DDX23: variants seen among roughly 807,000 people sequenced by gnomAD.
DDX23 encodes the protein DEAD-box helicase 23.
DDX23 carries 33 observed loss-of-function variants against 102.7 expected under a neutral mutation model. That is an observed-to-expected ratio of 0.32 (90% CI 0.24 to 0.43). The LOEUF (loss-of-function observed/expected upper bound fraction) is 0.43, where lower values mean the gene tolerates loss of function less well. Among genes scored for constraint, DDX23 ranks in the 20% least tolerant of loss-of-function variants. The pLI is 1.00. For synonymous variants in DDX23, 352 were observed against 376.0 expected, an observed-to-expected ratio of 0.94 and a Z score of 0.74; for missense variants, 549 against 1,086.6, an observed-to-expected ratio of 0.51 and a Z score of 6.96.
rs1472808237 is a variant in DDX23, at chr12:48,843,971, G to A, written c.289C>T (p.His97Tyr). 1 of 1,614,050 alleles carries A rather than the reference G, an allele frequency of 6.2e-7. No individual in the cohort carries two copies. The highest frequency in any genetic ancestry group is 8.5e-7 in the Non-Finnish European group (1 of 1,180,012). Residue 97 changes from histidine to tyrosine, a missense_variant, in exon 3 of 17, where the codon CAC becomes TAC. By Grantham distance (83) the His-to-Tyr change is moderately conservative (BLOSUM62 2). Coordinates refer to ENST00000308025, the MANE Select transcript of DDX23 (RefSeq NM_004818.3). ...KKDRDRDKDG[H>Y]RRDKDRKRSS... ...CGTTTACGGTCCTTGTCCCGTCTGT[G>A]CCCATCCTTGTCTCGATCTCGGTCC...
At chr12:48,849,566 G>A (rs1938725046) in intron 1 of DDX23, among the ~76,000 whole-genome samples, 1 of 152,044 alleles carries the variant, frequency 6.6e-6, no homozygotes, top group Non-Finnish European at 1.5e-5. Context: ...GAAGGCTGAG[G>A]CAGAACTGCT....
At position 48,837,944 on chromosome 12, in the gene DDX23, A is replaced by G; in HGVS notation, c.617T>C (p.Leu206Ser). ...KQFQDLGRKM[L>S]EDPQERERRE... ...CTACACAGGGTAGAATAACAAACCCAACATCTTCCTGCCCAAGTCTTGGAA... is the reference window on the plus strand; with the variant it reads ...CTACACAGGGTAGAATAACAAACCCGACATCTTCCTGCCCAAGTCTTGGAA... The change falls in exon 6 of 17, where the codon TTG becomes TCG. Residue 206 changes from leucine (L) to serine (S), a missense_variant and splice_region_variant. Physicochemically the swap from Leu to Ser is moderately radical, Grantham distance 145. Coordinates refer to ENST00000308025, the MANE Select transcript of DDX23 (RefSeq NM_004818.3). The G allele has an allele frequency of 6.2e-7, 1 of 1,612,704 alleles. No homozygotes were observed. The highest frequency in any genetic ancestry group is 8.5e-7 in the Non-Finnish European group (1 of 1,180,034).
intron 3 of DDX23, among the ~76,000 whole-genome samples, chr12:48,841,252 G>A (rs1188629455): frequency 1.3e-5 from 2 of 152,170 alleles, no homozygotes; most frequent in Non-Finnish European, 2.9e-5. Context: ...CAGGCATGGT[G>A]GCGCATGCCT....
intron 1 of DDX23, 115 bp from the exon 2 acceptor site, chr12:48,845,897 C>T (rs902668732): frequency 1.5e-5 from 17 of 1,152,910 alleles, no homozygotes; most frequent in South Asian, 1.0e-4. Context: ...GTATGTCTAC[C>T]GTACAGATGA....
intron 7 of DDX23, 23 bp from the exon 8 acceptor site, chr12:48,837,416 G>A (rs373444963): frequency 6.2e-7 from 1 of 1,613,276 alleles, no homozygotes; most frequent in African/African-American, 1.3e-5. Context: ...AGAACACAAA[G>A]CACATGAGCT....
In DDX23 at chr12:48,832,395, T is replaced by C; in HGVS notation, c.1955+27A>G. The C allele has an allele frequency of 6.2e-7, 1 of 1,606,108 alleles. No individual in the cohort carries two copies. The highest frequency in any genetic ancestry group is 8.5e-7 in the Non-Finnish European group (1 of 1,173,444). ...CAGAGCCATTTTATTCTCCACCCTG[T>C]TTCCCCTGGCTCAGCTGCCCTCATA... On this transcript the variant is annotated intron_variant, in intron 14 of 16. Coordinates refer to ENST00000308025, the MANE Select transcript of DDX23 (RefSeq NM_004818.3). This position sits in a 1 kb window ranked among gnomAD's most constrained non-coding sequence, Gnocchi z 4.4.
chr12:48,836,371 A>G lies in DDX23; in HGVS notation c.1237-105T>C. On this transcript the variant is annotated intron_variant, in intron 10 of 16. Transcript: ENST00000308025. The surrounding 1 kb of genome is among the most constrained non-coding windows in gnomAD (Gnocchi z 6.1). ...CTGCTAGCACAATGGAAGGATGCCA[A>G]GTACAGTTCACAGAAATAGGGACCC... 1 of 1,406,104 alleles carries G rather than the reference A, an allele frequency of 7.1e-7. No individual in the cohort carries two copies. The highest frequency in any genetic ancestry group is 9.9e-7 in the Non-Finnish European group (1 of 1,011,710). 87.1% of individuals were successfully genotyped at this position (1,406,104 alleles called of 1,614,324 possible).
Position 48,837,477 on chromosome 12 carries a change from C to T in DDX23, c.753+47G>A, listed in dbSNP as rs989675230. 3 of 1,613,272 alleles carry T rather than the reference C, an allele frequency of 1.9e-6. No homozygotes were observed. In the African/African-American group the frequency reaches 4.0e-5, roughly 22 times the overall value. On this transcript the variant is annotated intron_variant, in intron 7 of 16. Coordinates refer to ENST00000308025, the MANE Select transcript of DDX23 (RefSeq NM_004818.3). ...GATCACAATGGCCAAATAACTAAAC[C>T]TCATTTTTGTGTGGGAGAGAAGTGA...
intron 3 of DDX23, among the ~76,000 whole-genome samples, chr12:48,841,182 T>TC (rs962219003): frequency 1.2e-4 from 18 of 152,072 alleles, no homozygotes; most frequent in African/African-American, 3.9e-4. Context: ...GGTCAAGAGT[T>TC]CGAGACCAGC....
Position 48,848,311 on chromosome 12 carries a change from A to C in DDX23, c.1-2529T>G, listed in dbSNP as rs192101465. ...AAAAACAAAACAAAACAAAAAACAAAAAAAAAAAGAAAACAAAGTCTCCTA... is the reference window on the plus strand; with the variant it reads ...AAAAACAAAACAAAACAAAAAACAACAAAAAAAAGAAAACAAAGTCTCCTA... On this transcript the variant is annotated intron_variant, in intron 1 of 16. Coordinates refer to ENST00000308025, the MANE Select transcript of DDX23 (RefSeq NM_004818.3). 4.6e-5 allele frequency among the ~76,000 whole-genome samples: 7 copies of C among 152,206 alleles called. No homozygotes were observed. In the South Asian group the frequency reaches 6.2e-4, roughly 14 times the overall value.
chr12:48,831,033 A>G (rs1938378543), intron 16 of DDX23, 109 bp downstream of exon 16: 3 of 1,274,830 alleles, frequency 2.4e-6, no homozygotes, highest in Non-Finnish European at 2.2e-6. Context: ...CAGACTTGGA[A>G]CTGAGGGAGG....
rs764084861 is a variant in DDX23 at position 48,843,998 on chromosome 12, T to G, written c.262A>C (p.Lys88Gln). Residue 88 changes from lysine (K) to glutamine (Q), a missense_variant, in exon 3 of 17, where the codon AAG becomes CAG. Transcript: ENST00000308025. ...CCATCCTTGTCTCGATCTCGGTCCTTCTTATTCCGATCCCGCTCCTTATCT... is the reference window on the plus strand; with the variant it reads ...CCATCCTTGTCTCGATCTCGGTCCTGCTTATTCCGATCCCGCTCCTTATCT... ...ERDKERDRNK[K>Q]DRDRDKDGHR... 5 of 1,614,112 alleles carry G rather than the reference T, an allele frequency of 3.1e-6. No individual in the cohort carries two copies. The highest frequency in any genetic ancestry group is 4.2e-6 in the Non-Finnish European group (5 of 1,180,014).
intron 5 of DDX23, 149 bp from the exon 6 acceptor site, chr12:48,838,229 GACTGA>G: frequency 8.6e-7 from 1 of 1,157,790 alleles, no homozygotes; most frequent in Non-Finnish European, 1.2e-6. Flanking sequence ...CTCGGTTATG[GACTGA>G]ACTATGTCCC....
At chr12:48,839,644 C>A in intron 5 of DDX23, 200 bp downstream of exon 5, 1 of 572,344 alleles carries the variant, frequency 1.7e-6, no homozygotes, top group South Asian at 2.1e-5. Context: ...GAGGGAGGAC[C>A]ATGTGAAGAG....
At chr12:48,833,917 T>A (rs1256562209) in intron 12 of DDX23, among the ~76,000 whole-genome samples, 1 of 152,190 alleles carries the variant, frequency 6.6e-6, no homozygotes, top group Admixed American at 6.5e-5. Context: ...AGACTTCTCA[T>A]AAAGAGCTCT....
At chr12:48,845,955 G>A (rs554530899) in intron 1 of DDX23, among the ~76,000 whole-genome samples, 173 bp from the exon 2 acceptor site, 29 of 152,352 alleles carry the variant, frequency 1.9e-4, no homozygotes, top group African/African-American at 6.7e-4. Context: ...AGGGCAGACA[G>A]GTAGTGGCAG....
rs181399949 is a variant in DDX23 at position 48,835,793 on chromosome 12, A to C, written c.1382+328T>G. Among the ~76,000 whole-genome samples the C allele has an allele frequency of 1.1e-3, 160 of 152,308 alleles. 1 individual carries two copies. The highest frequency in any genetic ancestry group is 3.7e-3 in the African/African-American group (152 of 41,560). On this transcript the variant is annotated intron_variant, in intron 11 of 16. Transcript: ENST00000308025. ...TAATCCCCAGCTACTCAGGAGGATG[A>C]AGCAGGAGAATCACCTGAACCTGGG... is the stretch of plus-strand genomic sequence containing the variant.
At chr12:48,838,814 C>T (rs1277124146) in intron 5 of DDX23, among the ~76,000 whole-genome samples, 1 of 151,978 alleles carries the variant, frequency 6.6e-6, no homozygotes, top group Admixed American at 6.6e-5. Context: ...GATCATGCCA[C>T]TGCACTCCAG....
At chr12:48,833,628 A>AC in intron 12 of DDX23, 109 bp from the exon 13 acceptor site, 1 of 1,374,002 alleles carries the variant, frequency 7.3e-7, no homozygotes, top group African/African-American at 1.4e-5. Flanking sequence ...AGGAACTTGG[A>AC]CCCCAACCTC....
Sources: allele counts gnomAD v4.1 joint callset (sites outside exome capture counted in the v4.1 genomes callset), GRCh38; gene constraint gnomAD v4.1.1; non-coding constraint Gnocchi (gnomAD v3.1); transcripts MANE v1.5; gene names NCBI Gene and HGNC (gene_info 2026-07-23, HGNC 2026-07-21).